Variants in VPS9D1 observed in about 807,000 individuals in gnomAD.
The protein encoded by VPS9D1 is VPS9 domain-containing protein 1.
In VPS9D1, 78 loss-of-function variants were observed where a neutral mutation model predicts 75.8. The observed-to-expected ratio is 1.03, with a 90% confidence interval of 0.86 to 1.24. VPS9D1 has a LOEUF of 1.24. VPS9D1 is among the 50% of genes most tolerant of loss of function. The pLI is 0.00. For synonymous variants in VPS9D1, 481 were observed against 385.6 expected (o/e 1.25, Z -2.90); for missense variants, 1,057 against 847.7 (o/e 1.25, Z -3.07).
At position 89,716,372 on chromosome 16, in the gene VPS9D1, C is replaced by CA. The variant is rs1051047740; in HGVS notation, c.431+89dup. 2.4e-3 allele frequency: 3,407 copies of CA among 1,414,038 alleles called. 1 individual carries two copies. The highest frequency in any genetic ancestry group is 5.3e-3 in the East Asian group (208 of 38,998). 87.6% of individuals were successfully genotyped at this position (1,414,038 alleles called of 1,614,324 possible). On this transcript the variant is annotated intron_variant, in intron 4 of 14. Coordinates refer to ENST00000389386, the MANE Select transcript of VPS9D1 (RefSeq NM_004913.3). ...CAGAGTGAGACTCTGTCTCAAAAAA[C>CA]AAAAAAAAAATCGCTGTCATCAGCT...
chr16:89,708,008 C>T (rs896962505), intron 14 of VPS9D1, 54 bp from the exon 15 acceptor site: 3 of 1,547,236 alleles, frequency 1.9e-6, no homozygotes, highest in Admixed American at 1.7e-5. Context: ...AAGGATACCC[C>T]CGGCCCTCCA....
intron 4 of VPS9D1, among the ~76,000 whole-genome samples, chr16:89,714,484 A>G (rs1011918483): frequency 2.0e-5 from 3 of 152,074 alleles, no homozygotes; most frequent in Non-Finnish European, 2.9e-5. Context: ...GTACCTTCCC[A>G]CTGTCAGGGA....
In VPS9D1 at chr16:89,710,897, G is replaced by A. The variant is rs760645849; in HGVS notation, c.947C>T (p.Pro316Leu). 4.0e-6 allele frequency: 6 copies of A among 1,495,734 alleles called. No individual in the cohort carries two copies. The highest frequency in any genetic ancestry group is 5.0e-5 in the East Asian group (2 of 40,390). The allele number at this position is 1,495,734 out of a possible 1,614,324, so 92.7% of individuals were successfully genotyped here. A position where few individuals can be genotyped will look rare whatever the true frequency, so the allele number is the denominator to read the frequency against. Residue 316 changes from proline to leucine, a missense_variant, in exon 10 of 15, where the codon CCG becomes CTG. Physicochemically the swap from Pro to Leu is moderately conservative, Grantham distance 98. Transcript: ENST00000389386. Reference protein sequence around the residue: ...AAAPAPGCCPPTPNPGSRRLR... With the variant: ...AAAPAPGCCPLTPNPGSRRLR... ...CCGTCGGCTTCCGGGGTTGGGGGTC[G>A]GGGGGCAGCAGCCTGGGGCTGGCGC...
In VPS9D1 at chr16:89,707,770, G is replaced by A. The variant is rs1016727187; in HGVS notation, c.*91C>T. ...GCAGAGCAGCGTGAGGCTCCAGGAT[G>A]GTCCTCAGTAGATCCCATGGCTCCA... is the stretch of plus-strand genomic sequence containing the variant. On this transcript the variant is annotated 3_prime_UTR_variant, in exon 15 of 15. Transcript: ENST00000389386. 2.6e-6 allele frequency: 3 copies of A among 1,172,758 alleles called. No individual in the cohort carries two copies. In the African/African-American group the frequency reaches 4.6e-5, roughly 18 times the overall value. The allele number at this position is 1,172,758 out of a possible 1,614,324, so 72.6% of individuals were successfully genotyped here.
rs2060823304 is a variant in VPS9D1, at chr16:89,707,635, G to T, written c.*226C>A. ...CCTGGTTCCTCCTGGAGCTGATTCA[G>T]CCCCATTCTGTCGGGGCAGAGGTGC... On this transcript the variant is annotated 3_prime_UTR_variant, in exon 15 of 15. Coordinates refer to ENST00000389386, the MANE Select transcript of VPS9D1 (RefSeq NM_004913.3). The T allele has an allele frequency of 1.9e-6, 1 of 533,868 alleles. No homozygotes were observed. Among genetic ancestry groups the T allele is most frequent in the Non-Finnish European group, 3.4e-6 (1 of 296,520 alleles). The allele number at this position is 533,868 out of a possible 1,614,324, so 33.1% of individuals were successfully genotyped here. A position where few individuals can be genotyped will look rare whatever the true frequency, so the allele number is the denominator to read the frequency against.
intron 2 of VPS9D1, chr16:89,717,893 C>G (rs35778150): frequency 6.8e-5 from 30 of 438,934 alleles, no homozygotes; most frequent in African/African-American, 2.4e-4. Flanking sequence ...TCCAGGGGCT[C>G]CCCCGACCTC....
intron 1 of VPS9D1, 117 bp from the exon 2 acceptor site, chr16:89,719,219 G>A: frequency 3.1e-6 from 3 of 955,178 alleles, no homozygotes; most frequent in South Asian, 2.6e-5. Context: ...TTATCTCTGA[G>A]ATACACCCAG....
rs1409630854 is a variant in VPS9D1, at chr16:89,711,000, G to C, written c.844C>G (p.His282Asp). Residue 282 changes from histidine to aspartate, a missense_variant, in exon 10 of 15, where the codon CAC becomes GAC. Coordinates refer to ENST00000389386, the MANE Select transcript of VPS9D1 (RefSeq NM_004913.3). The stretch of plus-strand genomic sequence containing the variant: ...CGCCTCAGGAGCTGCGCGATCGGGT[G>C]GTCGGGGAGGCTGCGGGAGAAGAGG... ...LVSHLLSLPD[H>D]PIAQLLRRLQ... The C allele has an allele frequency of 7.0e-7, 1 of 1,438,594 alleles. No homozygotes were observed. Among genetic ancestry groups the C allele is most frequent in the South Asian group, 1.5e-5 (1 of 68,354 alleles). The allele number at this position is 1,438,594 out of a possible 1,614,324, so 89.1% of individuals were successfully genotyped here.
chr16:89,713,347 C>T (rs1265014436), intron 4 of VPS9D1, among the ~76,000 whole-genome samples: 3 of 151,382 alleles, frequency 2.0e-5, no homozygotes, highest in Non-Finnish European at 2.9e-5. Context: ...CTCCGCCTCC[C>T]GGGTTCATGC....
At position 89,707,819 on chromosome 16, in the gene VPS9D1, A is replaced by T; in HGVS notation, c.*42T>A. 6.3e-7 allele frequency: 1 copy of T among 1,577,210 alleles called. No individual in the cohort carries two copies. Among genetic ancestry groups the T allele is most frequent in the South Asian group, 1.1e-5 (1 of 90,204 alleles). On this transcript the variant is annotated 3_prime_UTR_variant, in exon 15 of 15. Transcript: ENST00000389386. ...CAGGTGTAGGAGAGACAGCCCTGGG[A>T]GGCGAGGCCAGGCCCTGCAGGGACC...
intron 2 of VPS9D1, 82 bp downstream of exon 2, chr16:89,718,945 C>T: frequency 8.2e-7 from 1 of 1,218,634 alleles, no homozygotes; most frequent in South Asian, 1.3e-5. Context: ...GATCTCCTGA[C>T]CTCAGGTGAT....
intron 1 of VPS9D1, 176 bp downstream of exon 1, chr16:89,720,587 C>T: frequency 8.2e-7 from 1 of 1,224,314 alleles, no homozygotes; most frequent in Non-Finnish European, 1.0e-6. Context: ...TCCAAGGTCA[C>T]TGCACGCCCG....
chr16:89,711,517 TGGGGTGCAGG>T (rs2060920397), intron 8 of VPS9D1, 105 bp from the exon 9 acceptor site: 1 of 1,158,870 alleles, frequency 8.6e-7, no homozygotes, highest in Non-Finnish European at 1.2e-6. Flanking sequence ...GAGCCCGTCC[TGGGGTGCAGG>T]AGACCCAGCG....
At chr16:89,709,120 C>T (rs1273212214) in intron 12 of VPS9D1, 107 bp downstream of exon 12, 2 of 1,525,708 alleles carry the variant, frequency 1.3e-6, no homozygotes, top group Non-Finnish European at 1.8e-6. Context: ...GTCCCCCAAC[C>T]TCCCCACCGG....
chr16:89,712,696 T>G lies in VPS9D1; in HGVS notation c.452A>C (p.Glu151Ala), dbSNP rs747445247. 2.5e-6 allele frequency: 4 copies of G among 1,608,848 alleles called. No homozygotes were observed. The Admixed American group carries it at 5.0e-5, about 20-fold the overall frequency. Residue 151 changes from glutamate to alanine, a missense_variant, in exon 5 of 15, where the codon GAG becomes GCG. Coordinates refer to ENST00000389386, the MANE Select transcript of VPS9D1 (RefSeq NM_004913.3). ...SCKKELTPLE[E>A]ASLQNQKLKA... ...CAGCTTCTGATTCTGCAGGGAGGCC[T>G]CCTCCAGTGGCGTCAGCTCTCTGGA...
rs964006384 is a variant in VPS9D1 at position 89,716,825 on chromosome 16, G to T, written c.176-3C>A. ...GGGGGGCACAGTTTCCCCAGCTTCTGGGGGAGGGACAAGAAGGCTGGTCAC... is the reference window on the plus strand; with the variant it reads ...GGGGGGCACAGTTTCCCCAGCTTCTTGGGGAGGGACAAGAAGGCTGGTCAC... On this transcript the variant is annotated splice_polypyrimidine_tract_variant and splice_region_variant and intron_variant, in intron 2 of 14. Coordinates refer to ENST00000389386, the MANE Select transcript of VPS9D1 (RefSeq NM_004913.3). 3 of 1,588,156 alleles carry T rather than the reference G, an allele frequency of 1.9e-6. No individual in the cohort carries two copies. The highest frequency in any genetic ancestry group is 2.6e-6 in the Non-Finnish European group (3 of 1,172,636).
At chr16:89,709,980 C>T in intron 10 of VPS9D1, 74 bp from the exon 11 acceptor site, 3 of 1,517,396 alleles carry the variant, frequency 2.0e-6, no homozygotes, top group South Asian at 1.3e-5. Context: ...AGCCACGGGG[C>T]CTTTCTCCGC....
intron 4 of VPS9D1, among the ~76,000 whole-genome samples, chr16:89,716,107 C>G (rs978417049): frequency 6.6e-6 from 1 of 152,012 alleles, no homozygotes; most frequent in Non-Finnish European, 1.5e-5. Flanking sequence ...GTGACTCACG[C>G]TGTAATCCCA....
At chr16:89,716,132 C>T (rs1423446940) in intron 4 of VPS9D1, among the ~76,000 whole-genome samples, 1 of 151,868 alleles carries the variant, frequency 6.6e-6, no homozygotes, top group Non-Finnish European at 1.5e-5. Flanking sequence ...TGTGGGAGGC[C>T]GAGGCAGGCG....
Sources: gnomAD v4.1 joint callset for allele counts (sites outside exome capture counted in the v4.1 genomes callset) on GRCh38, gnomAD v4.1.1 for gene constraint, MANE v1.5 for transcripts, NCBI Gene and HGNC (gene_info 2026-07-23, HGNC 2026-07-21) for gene names.